Variants in LONRF1 observed in about 807,000 individuals in gnomAD.
LONRF1 encodes the protein LON peptidase N-terminal domain and ring finger 1.
A neutral mutation model predicts 85.8 loss-of-function variants in LONRF1; 37 were observed. The ratio of observed to expected loss-of-function variants is 0.43; its 90% confidence interval spans 0.33 to 0.57. The LOEUF is 0.57. LONRF1 is among the 20% of genes least tolerant of loss of function. The probability of loss-of-function intolerance (pLI) is 0.04; values close to 1 mark genes in which losing one functional copy is unlikely to be tolerated. For missense variants in LONRF1, 1,036 were observed against 978.0 expected, an observed-to-expected ratio of 1.06 and a Z score of -0.79; for synonymous variants, 517 against 390.1, an observed-to-expected ratio of 1.33 and a Z score of -3.83.
intron 6 of LONRF1, among the ~76,000 whole-genome samples, chr8:12,736,367 G>A (rs1017788402): frequency 3.3e-5 from 5 of 152,118 alleles, no homozygotes; most frequent in African/African-American, 9.7e-5. Flanking sequence ...AAACCATGGA[G>A]ATAGGTAAGT....
chr8:12,741,048 A>G (rs778247875), intron 2 of LONRF1, 52 bp from the exon 3 acceptor site: 1 of 1,591,814 alleles, frequency 6.3e-7, no homozygotes, highest in Non-Finnish European at 8.6e-7. Flanking sequence ...TGCTTTTTAA[A>G]AAATCATTAT....
intron 3 of LONRF1, among the ~76,000 whole-genome samples, chr8:12,740,426 T>A (rs923526598): frequency 6.6e-6 from 1 of 151,766 alleles, no homozygotes; most frequent in Non-Finnish European, 1.5e-5. Context: ...ACACCACAAA[T>A]AGAACAAAGT....
intron 9 of LONRF1, 22 bp downstream of exon 9, chr8:12,729,152 T>C (rs1232195801): frequency 9.9e-6 from 16 of 1,613,298 alleles, no homozygotes; most frequent in African/African-American, 1.3e-5. Flanking sequence ...AATACAAATA[T>C]TTAGGTTCAC....
chr8:12,729,093 T>G (rs1798430998), intron 9 of LONRF1, 30 bp from the exon 10 acceptor site: 3 of 1,612,492 alleles, frequency 1.9e-6, no homozygotes, highest in African/African-American at 2.7e-5. Flanking sequence ...AGTAACAAAG[T>G]TGAAACATAA....
At position 12,751,219 on chromosome 8, in the gene LONRF1, T is replaced by C. The variant is rs139886925; in HGVS notation, c.721+3481A>G. Among the ~76,000 whole-genome samples, 31 of 151,938 alleles carry C rather than the reference T, an allele frequency of 2.0e-4. No individual in the cohort carries two copies. The East Asian group carries it at 5.0e-3, about 25-fold the overall frequency. On this transcript the variant is annotated intron_variant, in intron 1 of 11. Transcript: ENST00000398246. ...TATTACAGTACTCCATAGAATTCTC[T>C]GTGAAGATCAAATGATATTAATATA... is the stretch of plus-strand genomic sequence containing the variant.
chr8:12,738,122 G>T lies in LONRF1; in HGVS notation c.986C>A (p.Pro329His). The change falls in exon 4 of 12, where the codon CCT (proline) becomes CAT (histidine). Residue 329 changes from proline to histidine, a missense_variant. Physicochemically the swap from Pro to His is moderately conservative, Grantham distance 77. Transcript: ENST00000398246. ...CTTCAGGCCTTCTTTTAAGTTTTCA[G>T]GTAATAATAAATCACATAAAATCTG... Reference protein sequence around the residue: ...VQKILCDLLLPENLKEGLKES... With the variant: ...VQKILCDLLLHENLKEGLKES... The T allele has an allele frequency of 6.3e-7, 1 of 1,579,050 alleles. No individual in the cohort carries two copies.
chr8:12,752,898 C>A (rs963281452), intron 1 of LONRF1: 1 of 152,238 alleles, frequency 6.6e-6, no homozygotes, highest in Non-Finnish European at 1.5e-5. Context: ...TGCTATAAGG[C>A]AGGATGAACC....
At chr8:12,750,682 T>C (rs1163232122) in intron 1 of LONRF1, among the ~76,000 whole-genome samples, 1 of 152,218 alleles carries the variant, frequency 6.6e-6, no homozygotes, top group African/African-American at 2.4e-5. Context: ...ATTCAGTATT[T>C]ACCTATAATT....
chr8:12,740,679 T>C (rs11775169), intron 3 of LONRF1, among the ~76,000 whole-genome samples, 195 bp downstream of exon 3: 110,449 of 152,144 alleles, frequency 0.73, 42,995 homozygotes, highest in East Asian at 0.94. Flanking sequence ...TATCTGTGAA[T>C]GAAATGTTTC....
rs200237250 is a variant in LONRF1, at chr8:12,723,251, C to T, written c.2167G>A (p.Ala723Thr). Residue 723 changes from alanine (A) to threonine (T), a missense_variant, in exon 12 of 12, where the codon GCC becomes ACC. Ala to Thr is a moderately conservative substitution (Grantham distance 58). This residue lies in a region of LONRF1 where 265 missense variants were observed against 301.5 expected (regional missense o/e 0.88). Transcript: ENST00000398246. ...MPEREENLQA[A>T]PNGPAWCWWL... ...CAACACCATGCAGGTCCATTAGGGG[C>T]TGCCTAAAAACAATGGACAGTTTAT... The T allele has an allele frequency of 6.2e-7, 1 of 1,605,808 alleles. No homozygotes were observed.
At chr8:12,732,549 G>A (rs886339615) in intron 7 of LONRF1, among the ~76,000 whole-genome samples, 3 of 152,106 alleles carry the variant, frequency 2.0e-5, no homozygotes, top group Admixed American at 6.5e-5. Context: ...ATGCATTTTT[G>A]TGTTATTCTC....
At chr8:12,749,130 TATA>T (rs1346560815) in intron 1 of LONRF1, among the ~76,000 whole-genome samples, 8 of 152,230 alleles carry the variant, frequency 5.3e-5, no homozygotes, top group Non-Finnish European at 8.8e-5. Flanking sequence ...ATGCTCCATC[TATA>T]ATAATTGTTG....
At chr8:12,739,728 A>T (rs942613624) in intron 3 of LONRF1, among the ~76,000 whole-genome samples, 9 of 152,222 alleles carry the variant, frequency 5.9e-5, no homozygotes, top group African/African-American at 1.9e-4. Flanking sequence ...AAATAGTTAC[A>T]GAAATAGAAG....
At chr8:12,728,558 G>T (rs1798407306) in intron 10 of LONRF1, among the ~76,000 whole-genome samples, 1 of 152,170 alleles carries the variant, frequency 6.6e-6, no homozygotes, top group African/African-American at 2.4e-5. Context: ...TCAAAACTTA[G>T]ATGGGTTGGA....
chr8:12,743,253 T>G lies in LONRF1; in HGVS notation c.751A>C (p.Arg251=). ...EPSDLIVKIY[R]AESYAGLQEF... is the part of the protein sequence containing the mutation. ...TGGAGACCAGCATATGATTCCGCTC[T>G]GTAAATTTTTACAATCAAGTCACTG... Residue 251 remains arginine (R), a synonymous_variant, in exon 2 of 12, where the codon AGA becomes CGA. Transcript: ENST00000398246. 6.2e-7 allele frequency: 1 copy of G among 1,610,466 alleles called. No individual in the cohort carries two copies. Among genetic ancestry groups the G allele is most frequent in the East Asian group, 2.2e-5 (1 of 44,732 alleles).
Position 12,754,856 on chromosome 8 carries a change from A to C in LONRF1, c.565T>G (p.Ser189Ala), listed in dbSNP as rs1799568467. ...PPPLAAAIAA[S>A]DFRTSVVLNH... ...AGGACGACGCTGGTTCTGAAGTCTG[A>C]AGCGGCGATGGCGGCGGCCAGAGGC... Residue 189 changes from serine to alanine, a missense_variant, in exon 1 of 12, where the codon TCA becomes GCA. By Grantham distance (99) the Ser-to-Ala change is moderately conservative. Transcript: ENST00000398246. The C allele has an allele frequency of 6.7e-7, 1 of 1,490,126 alleles. No homozygotes were observed. The highest frequency in any genetic ancestry group is 1.5e-5 in the African/African-American group (1 of 68,448). The allele number at this position is 1,490,126 out of a possible 1,614,324, so 92.3% of individuals were successfully genotyped here.
At chr8:12,737,925 G>T (rs1798783887) in intron 4 of LONRF1, 70 bp downstream of exon 4, 1 of 1,486,158 alleles carries the variant, frequency 6.7e-7, no homozygotes, top group Non-Finnish European at 9.0e-7. Context: ...TTGAAACTAG[G>T]AAAGTGAAGC....
intron 1 of LONRF1, among the ~76,000 whole-genome samples, chr8:12,751,780 C>A (rs1220306137): frequency 6.6e-6 from 1 of 150,428 alleles, no homozygotes; most frequent in African/African-American, 2.4e-5. Context: ...GGAGATAAGT[C>A]AGTGTAAAAA....
rs1283714183 is a variant in LONRF1 at position 12,722,609 on chromosome 8, T to C, written c.*487A>G. The C allele has an allele frequency of 6.5e-6, 1 of 154,408 alleles. No individual in the cohort carries two copies. The highest frequency in any genetic ancestry group is 1.9e-4 in the East Asian group (1 of 5,236). The allele number at this position is 154,408 out of a possible 1,614,324, so 9.6% of individuals were successfully genotyped here. A position where few individuals can be genotyped will look rare whatever the true frequency, so the allele number is the denominator to read the frequency against. On this transcript the variant is annotated 3_prime_UTR_variant, in exon 12 of 12. Coordinates refer to ENST00000398246, the MANE Select transcript of LONRF1 (RefSeq NM_152271.5). The stretch of plus-strand genomic sequence containing the variant: ...GTGCAAATATAAGCATTAGGACAGA[T>C]ATATCTGAGGCAAATTCAATTTGCA...
Sources: allele counts gnomAD v4.1 joint callset (sites outside exome capture counted in the v4.1 genomes callset), GRCh38; gene constraint gnomAD v4.1.1; regional missense constraint gnomAD v4.1.1; transcripts MANE v1.5; gene names NCBI Gene and HGNC (gene_info 2026-07-23, HGNC 2026-07-21).